Variants in PLD5 observed in about 807,000 individuals in gnomAD.
The protein encoded by PLD5 is inactive phospholipase D5.
In PLD5, 36 loss-of-function variants were observed where a neutral mutation model predicts 61.1. The observed-to-expected ratio is 0.59, with a 90% CI of 0.45 to 0.78. PLD5 has a LOEUF of 0.78. PLD5 is among the 30% of genes least tolerant of loss of function. The pLI, the probability that PLD5 is intolerant of heterozygous loss-of-function variation, is 0.00. For synonymous variants in PLD5, 243 were observed against 242.8 expected (o/e 1.00, Z -0.01); for missense variants, 515 against 644.4 (o/e 0.80, Z 2.17).
intron 1 of PLD5, among the ~76,000 whole-genome samples, chr1:242,466,393 G>A (rs570124397): frequency 2.0e-4 from 31 of 152,082 alleles, no homozygotes; most frequent in Admixed American, 1.4e-3. Context: ...AAATTAGTAC[G>A]GGCATGCAAT....
At chr1:242,158,852 C>T (rs1309024333) in intron 5 of PLD5, among the ~76,000 whole-genome samples, 1 of 152,142 alleles carries the variant, frequency 6.6e-6, no homozygotes, top group East Asian at 1.9e-4. Context: ...ATTCTTCCCT[C>T]AACTGTGCCC....
rs180705226 is a variant in PLD5 at position 242,372,283 on chromosome 1, A to G, written c.190-24041T>C. ...CCACACACCAGCAGGATGATCTCTAAAAGCCCTGCTTTGTGGAGCCAGGTA... is the reference window on the plus strand; with the variant it reads ...CCACACACCAGCAGGATGATCTCTAGAAGCCCTGCTTTGTGGAGCCAGGTA... On this transcript the variant is annotated intron_variant, in intron 1 of 9. Transcript: ENST00000536534. Among the ~76,000 whole-genome samples, 6 of 152,320 alleles carry G rather than the reference A, an allele frequency of 3.9e-5. No individual in the cohort carries two copies. The East Asian group carries it at 1.2e-3, about 29-fold the overall frequency.
intron 2 of PLD5, among the ~76,000 whole-genome samples, chr1:242,319,518 C>T (rs1658246676): frequency 6.6e-6 from 1 of 152,096 alleles, no homozygotes; most frequent in Admixed American, 6.6e-5. Context: ...TCATGCAAAT[C>T]TGCCCCCCAG....
Position 242,380,976 on chromosome 1 carries a change from G to A in PLD5, c.190-32734C>T, listed in dbSNP as rs551105676. Reference sequence around the variant, plus strand: ...GAATATAAATTAGTTCAACCATTGCGGAAGACAGTGTGACAATTCCTCAAA... The same window carrying A: ...GAATATAAATTAGTTCAACCATTGCAGAAGACAGTGTGACAATTCCTCAAA... On this transcript the variant is annotated intron_variant, in intron 1 of 9. Transcript: ENST00000536534. 2.0e-4 allele frequency among the ~76,000 whole-genome samples: 30 copies of A among 152,254 alleles called. No homozygotes were observed. In the South Asian group the frequency reaches 3.3e-3, roughly 17 times the overall value.
In PLD5 at chr1:242,319,671, T is replaced by C. The variant is rs193236296; in HGVS notation, c.326+28435A>G. On this transcript the variant is annotated intron_variant, in intron 2 of 9. Coordinates refer to ENST00000536534, the MANE Select transcript of PLD5 (RefSeq NM_001372062.1). ...ATTTTACCCTGACCGTGTAAATTCA[T>C]CGTTAATCTTCTCAGGTATGGGACA... Among the ~76,000 whole-genome samples the C allele has an allele frequency of 1.7e-3, 262 of 152,362 alleles. 2 individuals are homozygous for C. Among genetic ancestry groups the C allele is most frequent in the African/African-American group, 6.0e-3 (250 of 41,586 alleles).
chr1:242,221,482 T>G (rs1292638465), intron 4 of PLD5, among the ~76,000 whole-genome samples: 1 of 152,222 alleles, frequency 6.6e-6, no homozygotes, highest in Non-Finnish European at 1.5e-5. Context: ...TAATTTACAC[T>G]ATGAACTTAA....
intron 1 of PLD5, among the ~76,000 whole-genome samples, chr1:242,504,210 C>G (rs747499538): frequency 3.9e-5 from 6 of 152,326 alleles, no homozygotes; most frequent in Admixed American, 1.3e-4. Context: ...GAAGGTCCAA[C>G]TGACTGAAAC....
chr1:242,359,947 C>T (rs1198687075), intron 1 of PLD5, among the ~76,000 whole-genome samples: 2 of 151,954 alleles, frequency 1.3e-5, no homozygotes, highest in African/African-American at 2.4e-5. Context: ...TTATGTGTAA[C>T]AGAGAGGCAG....
chr1:242,439,762 C>G (rs544865445), intron 1 of PLD5, among the ~76,000 whole-genome samples: 1 of 152,158 alleles, frequency 6.6e-6, no homozygotes, highest in Non-Finnish European at 1.5e-5. Flanking sequence ...AACTCAGGAG[C>G]TTTTTGTTAA....
intron 1 of PLD5, among the ~76,000 whole-genome samples, chr1:242,441,486 T>G (rs1272632455): frequency 1.3e-5 from 2 of 152,148 alleles, no homozygotes; most frequent in Non-Finnish European, 2.9e-5. Context: ...TAAAAAAACT[T>G]TAAAAAAAAA....
chr1:242,256,920 TATCTATCTATCTA>T lies in PLD5; in HGVS notation c.607+8404_607+8416del, dbSNP rs1202787696. Among the ~76,000 whole-genome samples the T allele has an allele frequency of 8.5e-6, 1 of 117,318 alleles. No individual in the cohort carries two copies. 77.0% of individuals were successfully genotyped at this position (117,318 alleles called of 152,430 possible). On this transcript the variant is annotated intron_variant, in intron 4 of 9. Transcript: ENST00000536534. This position sits in a 1 kb window ranked among gnomAD's most constrained non-coding sequence, Gnocchi z 5.7. ...CTCTTTCTTTTTTCATCTATCTATC[TATCTATCTATCTA>T]ATCTATCTCTACCTACTGTCTTCTA...
intron 1 of PLD5, among the ~76,000 whole-genome samples, chr1:242,351,290 TATAA>T (rs1388000670): frequency 2.6e-5 from 4 of 152,184 alleles, no homozygotes; most frequent in African/African-American, 9.7e-5. Flanking sequence ...ATAATTATTG[TATAA>T]ATAGTGAATG....
intron 5 of PLD5, among the ~76,000 whole-genome samples, chr1:242,169,337 G>A (rs1343831244): frequency 2.0e-5 from 3 of 152,202 alleles, no homozygotes; most frequent in African/African-American, 4.8e-5. Flanking sequence ...AGTGCAAGGG[G>A]TCGGGGAATT....
intron 4 of PLD5, among the ~76,000 whole-genome samples, chr1:242,241,616 GTGGAATCAAACT>G (rs374242263): frequency 1.6e-4 from 24 of 152,050 alleles, no homozygotes; most frequent in African/African-American, 4.8e-4. Flanking sequence ...AGCAAACTGT[GTGGAATCAAACT>G]TTCTGAGAAA....
rs114156572 is a variant in PLD5 at position 242,129,190 on chromosome 1, C to T, written c.736-4525G>A. ...TATTCTAAACAAAGATTTAGTGTTC[C>T]ATTTCCCCTGTCGCATAAACTAAGC... On this transcript the variant is annotated intron_variant, in intron 5 of 9. Transcript: ENST00000536534. Among the ~76,000 whole-genome samples the T allele has an allele frequency of 4.8e-3, 733 of 152,292 alleles. 4 individuals carry two copies. The highest frequency in any genetic ancestry group is 0.017 in the African/African-American group (686 of 41,566).
At chr1:242,309,503 A>G (rs952624146) in intron 2 of PLD5, among the ~76,000 whole-genome samples, 2 of 151,292 alleles carry the variant, frequency 1.3e-5, no homozygotes, top group African/African-American at 4.9e-5. Context: ...CCTCCCGAGT[A>G]GCTGGGATTA....
chr1:242,211,234 A>G (rs1669799308), intron 5 of PLD5, among the ~76,000 whole-genome samples: 1 of 152,226 alleles, frequency 6.6e-6, no homozygotes, highest in Non-Finnish European at 1.5e-5. Context: ...AGATGAAGTT[A>G]TAGGATATAC....
At chr1:242,142,107 G>A (rs769457199) in intron 5 of PLD5, among the ~76,000 whole-genome samples, 3 of 152,184 alleles carry the variant, frequency 2.0e-5, no homozygotes, top group East Asian at 1.9e-4. Flanking sequence ...ATGACACAGA[G>A]GGGAGAGAGA....
At chr1:242,147,201 T>A (rs1020979921) in intron 5 of PLD5, among the ~76,000 whole-genome samples, 1 of 150,694 alleles carries the variant, frequency 6.6e-6, no homozygotes, top group African/African-American at 2.5e-5. Context: ...TGGCAACCAC[T>A]AATCTGTTTT....
Sources: allele counts gnomAD v4.1 joint callset (sites outside exome capture counted in the v4.1 genomes callset), GRCh38; gene constraint gnomAD v4.1.1; non-coding constraint Gnocchi (gnomAD v3.1); transcripts MANE v1.5; gene names NCBI Gene and HGNC (gene_info 2026-07-23, HGNC 2026-07-21).